TAFA5: variants seen among roughly 807,000 people sequenced by gnomAD.
The protein encoded by TAFA5 is TAFA chemokine like family member 5.
TAFA5 carries 6 observed loss-of-function variants against 15.3 expected under a neutral mutation model. The ratio of observed to expected loss-of-function variants is 0.39; its 90% CI spans 0.21 to 0.77. TAFA5 has a LOEUF of 0.77. TAFA5 is among the 30% of genes least tolerant of loss of function. The probability of loss-of-function intolerance (pLI) is 0.41; values close to 1 mark genes in which losing one functional copy is unlikely to be tolerated. For missense variants in TAFA5, 161 were observed against 193.1 expected, an observed-to-expected ratio of 0.83 and a Z score of 0.98; for synonymous variants, 103 against 80.7, an observed-to-expected ratio of 1.28 and a Z score of -1.48.
chr22:48,617,677 A>G (rs1925660576), intron 1 of TAFA5, among the ~76,000 whole-genome samples: 1 of 152,246 alleles, frequency 6.6e-6, no homozygotes, highest in Admixed American at 6.5e-5. Context: ...TCCTGGGAAC[A>G]TAAAGCTGCC....
intron 2 of TAFA5, among the ~76,000 whole-genome samples, chr22:48,661,154 G>A (rs1569068741): frequency 6.6e-6 from 1 of 152,192 alleles, no homozygotes; most frequent in South Asian, 2.1e-4. Flanking sequence ...CCCCTGTGTA[G>A]TCCACACTGC....
rs560631042 is a variant in TAFA5, at chr22:48,560,810, G to A, written c.112+71106G>A. ...TTTTTAGTAGAGATGGGGTTTCACCGTGTTGGCCAGACTGGTCTTGAACTC... is the reference window on the plus strand; with the variant it reads ...TTTTTAGTAGAGATGGGGTTTCACCATGTTGGCCAGACTGGTCTTGAACTC... On this transcript the variant is annotated intron_variant, in intron 1 of 3. Transcript: ENST00000402357. This position sits in a 1 kb window ranked among gnomAD's most constrained non-coding sequence, Gnocchi z 4.2. Among the ~76,000 whole-genome samples, 2 of 151,832 alleles carry A rather than the reference G, an allele frequency of 1.3e-5. No individual in the cohort carries two copies. The highest frequency in any genetic ancestry group is 2.4e-5 in the African/African-American group (1 of 41,306).
At chr22:48,572,481 G>T (rs1601586729) in intron 1 of TAFA5, among the ~76,000 whole-genome samples, 1 of 152,214 alleles carries the variant, frequency 6.6e-6, no homozygotes, top group Non-Finnish European at 1.5e-5. Context: ...TCACTCTTGG[G>T]AGGAATTGTG....
intron 1 of TAFA5, among the ~76,000 whole-genome samples, chr22:48,558,797 C>T (rs1461215423): frequency 6.6e-6 from 1 of 152,190 alleles, no homozygotes; most frequent in Non-Finnish European, 1.5e-5. Context: ...TTCACGAGGT[C>T]AGGAGGATAC....
At chr22:48,561,556 C>T (rs1923230806) in intron 1 of TAFA5, among the ~76,000 whole-genome samples, 1 of 152,202 alleles carries the variant, frequency 6.6e-6, no homozygotes, top group Non-Finnish European at 1.5e-5. Context: ...TTTGCCACCC[C>T]TGTTTGTATC....
intron 1 of TAFA5, among the ~76,000 whole-genome samples, chr22:48,535,128 T>C (rs1384543111): frequency 6.6e-6 from 1 of 152,076 alleles, no homozygotes; most frequent in Non-Finnish European, 1.5e-5. Context: ...CAGCAACCCT[T>C]ACCTGGGAAC....
At chr22:48,645,016 C>T (rs1188744040) in intron 1 of TAFA5, among the ~76,000 whole-genome samples, 1 of 152,234 alleles carries the variant, frequency 6.6e-6, no homozygotes, top group African/African-American at 2.4e-5. Flanking sequence ...GGGAGGACAC[C>T]AAATTCTTTT....
chr22:48,576,444 G>T lies in TAFA5; in HGVS notation c.113-70153G>T, dbSNP rs750529065. 5.1e-5 allele frequency: 70 copies of T among 1,361,436 alleles called. No individual in the cohort carries two copies. In the Middle Eastern group the frequency reaches 8.4e-4, roughly 16 times the overall value. The allele number at this position is 1,361,436 out of a possible 1,614,324, so 84.3% of individuals were successfully genotyped here. Reference sequence around the variant, plus strand: ...GATGCGGCGCCTGGACCTTCGCTGCGCGACTTCGGGGGCGTCGGCCGAGTT... The same window carrying T: ...GATGCGGCGCCTGGACCTTCGCTGCTCGACTTCGGGGGCGTCGGCCGAGTT... On this transcript the variant is annotated intron_variant, in intron 1 of 3. Coordinates refer to ENST00000402357, the MANE Select transcript of TAFA5 (RefSeq NM_001082967.3).
At chr22:48,609,640 G>A (rs547751045) in intron 1 of TAFA5, among the ~76,000 whole-genome samples, 23 of 152,304 alleles carry the variant, frequency 1.5e-4, no homozygotes, top group Non-Finnish European at 2.8e-4. Flanking sequence ...TCACAGACCT[G>A]AGGATGGTGT....
At chr22:48,732,606 A>T (rs1036613229) in intron 3 of TAFA5, among the ~76,000 whole-genome samples, 3 of 152,152 alleles carry the variant, frequency 2.0e-5, no homozygotes, top group African/African-American at 7.2e-5. Context: ...TGCTGTGAAC[A>T]TTGTGGAAAT....
At chr22:48,721,892 G>T (rs947419688) in intron 3 of TAFA5, among the ~76,000 whole-genome samples, 1 of 152,030 alleles carries the variant, frequency 6.6e-6, no homozygotes, top group Non-Finnish European at 1.5e-5. Flanking sequence ...TCGCTTGATC[G>T]CTTGAACCTA....
intron 1 of TAFA5, among the ~76,000 whole-genome samples, chr22:48,579,073 G>A (rs1043428036): frequency 3.9e-5 from 6 of 152,296 alleles, no homozygotes; most frequent in Non-Finnish European, 8.8e-5. Flanking sequence ...CCAGGGAGCC[G>A]TTTTTCCACA....
intron 1 of TAFA5, among the ~76,000 whole-genome samples, chr22:48,583,137 A>G (rs1485951837): frequency 6.6e-6 from 1 of 150,994 alleles, no homozygotes; most frequent in East Asian, 2.0e-4. Context: ...CGCCACACAC[A>G]CACCACACAC....
intron 3 of TAFA5, among the ~76,000 whole-genome samples, chr22:48,741,619 A>G (rs9628477): frequency 0.058 from 8,819 of 152,248 alleles, 334 homozygotes; most frequent in Admixed American, 0.091. Context: ...TCCTGATTCA[A>G]GAGAACCCTG....
intron 2 of TAFA5, among the ~76,000 whole-genome samples, chr22:48,706,144 G>T (rs1233016168): frequency 6.6e-6 from 1 of 152,222 alleles, no homozygotes; most frequent in Non-Finnish European, 1.5e-5. Flanking sequence ...CTACTCTGCA[G>T]GGCTGGCAAC....
chr22:48,738,957 C>T (rs749208133), intron 3 of TAFA5, among the ~76,000 whole-genome samples: 4 of 152,208 alleles, frequency 2.6e-5, no homozygotes, highest in Non-Finnish European at 4.4e-5. Context: ...TAAACCAAGC[C>T]ACCCCTCGTA....
chr22:48,689,395 A>T lies in TAFA5; in HGVS notation c.263-18322A>T, dbSNP rs1395802452. 1.8e-4 allele frequency among the ~76,000 whole-genome samples: 27 copies of T among 152,204 alleles called. 2 individuals carry two copies. The highest frequency in any genetic ancestry group is 1.8e-3 in the Admixed American group (27 of 15,292). ...TTGTCCTCAGGCTCTGAGTTCTGAG[A>T]GGGATTTAGCGATTCCCTGACTTGG... On this transcript the variant is annotated intron_variant, in intron 2 of 3. Coordinates refer to ENST00000402357, the MANE Select transcript of TAFA5 (RefSeq NM_001082967.3).
At chr22:48,741,044 C>G (rs1256147959) in intron 3 of TAFA5, among the ~76,000 whole-genome samples, 2 of 152,260 alleles carry the variant, frequency 1.3e-5, no homozygotes, top group East Asian at 3.9e-4. Context: ...AGTGGAGACC[C>G]AGCGTCCCCG....
intron 3 of TAFA5, among the ~76,000 whole-genome samples, chr22:48,731,866 T>G (rs6010499): frequency 2.8e-4 from 43 of 152,336 alleles, no homozygotes; most frequent in African/African-American, 9.6e-4. Context: ...AATTAAAGTC[T>G]TCTTCTTTAA....
Sources: allele counts gnomAD v4.1 joint callset (sites outside exome capture counted in the v4.1 genomes callset), GRCh38; gene constraint gnomAD v4.1.1; non-coding constraint Gnocchi (gnomAD v3.1); transcripts MANE v1.5; gene names NCBI Gene and HGNC (gene_info 2026-07-23, HGNC 2026-07-21).